The following DNAH9 variants were observed in gnomAD, a reference collection of about 807,000 sequenced individuals.
DNAH9 encodes the protein dynein axonemal heavy chain 9, also known as DNAH9 variant protein.
In DNAH9, 345 loss-of-function variants were observed where a neutral mutation model predicts 471.6. The observed-to-expected ratio is 0.73, with a 90% CI of 0.67 to 0.80. The LOEUF (loss-of-function observed/expected upper bound fraction) is 0.80. DNAH9 is among the 30% of genes least tolerant of loss of function. The pLI, the probability that DNAH9 is intolerant of heterozygous loss-of-function variation, is 0.00. For synonymous variants in DNAH9, 2,093 were observed against 2,123.6 expected, an observed-to-expected ratio of 0.99 and a Z score of 0.40; for missense variants, 5,407 against 5,609.2, an observed-to-expected ratio of 0.96 and a Z score of 1.15.
chr17:11,699,508 C>A (rs956956959), intron 22 of DNAH9, among the ~76,000 whole-genome samples: 2 of 152,182 alleles, frequency 1.3e-5, no homozygotes, highest in Non-Finnish European at 2.9e-5. Context: ...ATAGCTAGTG[C>A]ACAACTCTCA....
At chr17:11,753,033 A>C in intron 33 of DNAH9, 73 bp downstream of exon 33, 1 of 1,314,868 alleles carries the variant, frequency 7.6e-7, no homozygotes, top group Non-Finnish European at 1.0e-6. Context: ...TGGCAGGCAT[A>C]CTTGCAAATC....
intron 49 of DNAH9, among the ~76,000 whole-genome samples, chr17:11,847,871 A>G (rs1196760750): frequency 2.0e-5 from 3 of 152,112 alleles, no homozygotes; most frequent in African/African-American, 7.2e-5. Context: ...AGGTCATAGG[A>G]AGGAGAAAGA....
At chr17:11,750,928 CACAA>C (rs1334802878) in intron 32 of DNAH9, among the ~76,000 whole-genome samples, 2 of 151,898 alleles carry the variant, frequency 1.3e-5, no homozygotes, top group African/African-American at 4.8e-5. Context: ...CTAGGAGGAA[CACAA>C]ACAGATTATA....
rs1974603979 is a variant in DNAH9 at position 11,933,893 on chromosome 17, A to G, written c.12311A>G (p.Asp4104Gly). The change falls in exon 65 of 69, where the codon GAT (aspartate) becomes GGT (glycine). Residue 4104 changes from aspartate to glycine, a missense_variant. Asp to Gly is a moderately conservative substitution (Grantham distance 94). Coordinates refer to ENST00000262442, the MANE Select transcript of DNAH9 (RefSeq NM_001372.4). ...CCCATCACTCAGGTCCCCTATGATG[A>G]TTTGCGCTACCTGTTTGGAGAGATC... ...LEANAKVPYD[D>G]LRYLFGEIMY... The G allele has an allele frequency of 1.2e-6, 2 of 1,612,110 alleles. No homozygotes were observed. Among genetic ancestry groups the G allele is most frequent in the Non-Finnish European group, 1.7e-6 (2 of 1,179,088 alleles).
At chr17:11,726,096 G>C (rs2075146692) in intron 27 of DNAH9, among the ~76,000 whole-genome samples, 1 of 151,984 alleles carries the variant, frequency 6.6e-6, no homozygotes, top group Non-Finnish European at 1.5e-5. Context: ...TATTCTGCTT[G>C]TATTTCTTCC....
chr17:11,901,360 A>T lies in DNAH9; in HGVS notation c.11407-1359A>T, dbSNP rs111997725. On this transcript the variant is annotated intron_variant, in intron 59 of 68. Transcript: ENST00000262442. ...GTTCAATCTTTGGCTTCCCCGGGCC[A>T]CACTGGAAGAAGAAGAATTGTCTTG... 2.2e-3 allele frequency among the ~76,000 whole-genome samples: 339 copies of T among 152,362 alleles called. 1 individual carries two copies. Among genetic ancestry groups the T allele is most frequent in the Non-Finnish European group, 3.6e-3 (245 of 68,032 alleles).
At position 11,781,429 on chromosome 17, in the gene DNAH9, T is replaced by G. The variant is rs564147925; in HGVS notation, c.7718+255T>G. Among the ~76,000 whole-genome samples the G allele has an allele frequency of 8.5e-4, 129 of 152,340 alleles. 1 individual carries two copies. Among genetic ancestry groups the G allele is most frequent in the Non-Finnish European group, 1.5e-4 (10 of 68,034 alleles). On this transcript the variant is annotated intron_variant, in intron 39 of 68. Transcript: ENST00000262442. Reference sequence around the variant, plus strand: ...TCTCATCTAAGGAAAAAAAACCTACTTTTTGCTTCAAGACTCATCTCCGAA... The same window carrying G: ...TCTCATCTAAGGAAAAAAAACCTACGTTTTGCTTCAAGACTCATCTCCGAA...
chr17:11,774,482 GGA>G (rs1396903517), intron 38 of DNAH9, among the ~76,000 whole-genome samples: 2 of 152,170 alleles, frequency 1.3e-5, no homozygotes, highest in African/African-American at 2.4e-5. Context: ...AGGCAAAGGA[GGA>G]GCAAAAGCAC....
intron 14 of DNAH9, among the ~76,000 whole-genome samples, chr17:11,657,087 T>A (rs2073666236): frequency 6.6e-6 from 1 of 152,166 alleles, no homozygotes; most frequent in Admixed American, 6.5e-5. Flanking sequence ...TCATTTCTCT[T>A]GAGAACTGCA....
intron 1 of DNAH9, among the ~76,000 whole-genome samples, chr17:11,600,907 C>T (rs1392191178): frequency 6.6e-6 from 1 of 152,210 alleles, no homozygotes; most frequent in African/African-American, 2.4e-5. Context: ...TGCAACACAT[C>T]CTCAGAACTG....
intron 43 of DNAH9, among the ~76,000 whole-genome samples, chr17:11,798,131 G>A (rs1380985169): frequency 6.6e-6 from 1 of 151,922 alleles, no homozygotes; most frequent in Non-Finnish European, 1.5e-5. Flanking sequence ...TAGTCCAAGG[G>A]CCATTTAAAA....
intron 53 of DNAH9, among the ~76,000 whole-genome samples, chr17:11,877,203 T>C (rs940063966): frequency 2.6e-5 from 4 of 151,568 alleles, no homozygotes; most frequent in Non-Finnish European, 4.4e-5. Flanking sequence ...CTGGGCGCAG[T>C]GGCTCGAGCC....
chr17:11,726,307 T>C (rs9898563), intron 27 of DNAH9, among the ~76,000 whole-genome samples: 136,681 of 152,156 alleles, frequency 0.9, 62,641 homozygotes, highest in Non-Finnish European at 0.99. Context: ...TCAGGGGTTA[T>C]GTGAAGGAAA....
chr17:11,879,866 T>C (rs911956352), intron 53 of DNAH9, among the ~76,000 whole-genome samples: 1 of 152,208 alleles, frequency 6.6e-6, no homozygotes, highest in Non-Finnish European at 1.5e-5. Flanking sequence ...ATCTTTTTTG[T>C]ATTTTATAAT....
intron 43 of DNAH9, among the ~76,000 whole-genome samples, chr17:11,802,402 A>G (rs1969496471): frequency 6.6e-6 from 1 of 151,998 alleles, no homozygotes; most frequent in South Asian, 2.1e-4. Context: ...CCAAGGCGGG[A>G]TGGATCACCT....
chr17:11,934,737 C>T (rs1974648619), intron 65 of DNAH9, among the ~76,000 whole-genome samples: 1 of 152,074 alleles, frequency 6.6e-6, no homozygotes, highest in African/African-American at 2.4e-5. Context: ...CAGGCGTGAG[C>T]CGCCGCGCCT....
chr17:11,895,807 G>A (rs545643152), intron 59 of DNAH9, among the ~76,000 whole-genome samples: 1 of 152,292 alleles, frequency 6.6e-6, no homozygotes, highest in South Asian at 2.1e-4. Context: ...TGTGGGATTG[G>A]TGTGCTCATT....
Position 11,834,715 on chromosome 17 carries a change from T to C in DNAH9, c.9324T>C (p.Ile3108=). 1 of 1,614,072 alleles carries C rather than the reference T, an allele frequency of 6.2e-7. No homozygotes were observed. The highest frequency in any genetic ancestry group is 1.1e-5 in the South Asian group (1 of 91,058). Reference sequence around the variant, plus strand: ...AAAATGAAGATGCAGACAAACTGATTCAGGTCGTGGGTGTGGAGACTGACA... The same window carrying C: ...AAAATGAAGATGCAGACAAACTGATCCAGGTCGTGGGTGTGGAGACTGACA... The part of the protein sequence containing the change: ...KQKNEDADKL[I]QVVGVETDKV... The change falls in exon 49 of 69, where the codon ATT becomes ATC. Residue 3108 remains isoleucine, a synonymous_variant. Transcript: ENST00000262442.
chr17:11,628,172 CAT>C (rs2073003070), intron 6 of DNAH9, among the ~76,000 whole-genome samples: 1 of 152,192 alleles, frequency 6.6e-6, no homozygotes, highest in Non-Finnish European at 1.5e-5. Context: ...TGACAAGAAA[CAT>C]ATCTTGGTTT....
Sources: allele counts gnomAD v4.1 joint callset (sites outside exome capture counted in the v4.1 genomes callset), GRCh38; gene constraint gnomAD v4.1.1; transcripts MANE v1.5; gene names NCBI Gene and HGNC (gene_info 2026-07-23, HGNC 2026-07-21).